MUC3A: variants seen among roughly 807,000 people sequenced by gnomAD.
MUC3A encodes the protein mucin 3A, cell surface associated.
Under a neutral mutation model 109.0 loss-of-function variants are expected in MUC3A, and 109 were observed. The ratio of observed to expected loss-of-function variants is 1.00; its 90% CI spans 0.86 to 1.17. The LOEUF (loss-of-function observed/expected upper bound fraction) is 1.17. Ranked by LOEUF, MUC3A falls within the 50% of genes most tolerant of loss-of-function variation. The probability of loss-of-function intolerance (pLI) is 0.00; values close to 1 mark genes in which losing one functional copy is unlikely to be tolerated. For synonymous variants in MUC3A, 1,398 were observed against 981.4 expected, an observed-to-expected ratio of 1.42 and a Z score of -7.93; for missense variants, 3,537 against 2,469.4, an observed-to-expected ratio of 1.43 and a Z score of -9.16.
chr7:100,952,720 TATCC>T lies in MUC3A; in HGVS notation c.943_946del (p.Ser315ProfsTer3), dbSNP rs1791993593. The T allele has an allele frequency of 6.9e-7, 1 of 1,457,132 alleles. No individual in the cohort carries two copies. Among genetic ancestry groups the T allele is most frequent in the Admixed American group, 2.1e-5 (1 of 47,352 alleles). The allele number at this position is 1,457,132 out of a possible 1,614,324, so 90.3% of individuals were successfully genotyped here. On this transcript the variant is annotated frameshift_variant, in exon 2 of 12. Coordinates refer to ENST00000379458, the MANE Select transcript of MUC3A (RefSeq NM_005960.2). LOFTEE classifies it high-confidence loss of function. ...AGTGGTATCACAAACACCACCCCCC[TATCC>T]ACCTTGGTGACCACACTCCCCACTA...
intron 3 of MUC3A, among the ~76,000 whole-genome samples, chr7:100,961,825 A>G (rs1283778506): frequency 4.1e-5 from 4 of 97,452 alleles, no homozygotes; most frequent in African/African-American, 1.4e-4. Flanking sequence ...TCTTAAAAGA[A>G]AAAAAAAAAT....
In MUC3A at chr7:100,953,074, CAA is replaced by C; in HGVS notation, c.1296_1297del (p.Thr433HisfsTer134). 1 of 1,164,358 alleles carries C rather than the reference CAA, an allele frequency of 8.6e-7. No homozygotes were observed. Among genetic ancestry groups the C allele is most frequent in the Admixed American group, 1.9e-5 (1 of 53,120 alleles). The allele number at this position is 1,164,358 out of a possible 1,614,324, so 72.1% of individuals were successfully genotyped here. On this transcript the variant is annotated frameshift_variant, in exon 2 of 12. Transcript: ENST00000379458. LOFTEE classifies it high-confidence loss of function. ...ACCTCAGGTACTATGGTGACTTCCA[CAA>C]CCATGACCCCATCTTCTCTGAGTAC...
At position 100,949,573 on chromosome 7, in the gene MUC3A, G is replaced by T. The variant is rs1255820919; in HGVS notation, c.-52G>T. 19 of 1,477,700 alleles carry T rather than the reference G, an allele frequency of 1.3e-5. 1 individual carries two copies. The East Asian group carries it at 4.6e-4, about 36-fold the overall frequency. 91.5% of individuals were successfully genotyped at this position (1,477,700 alleles called of 1,614,324 possible). On this transcript the variant is annotated 5_prime_UTR_variant, in exon 1 of 12. Coordinates refer to ENST00000379458, the MANE Select transcript of MUC3A (RefSeq NM_005960.2). ...CACGCCCCAGGGCCACGTCCCTGCCGCTGTCTTGGTCCTGAAGCCTGTTCT... is the reference window on the plus strand; with the variant it reads ...CACGCCCCAGGGCCACGTCCCTGCCTCTGTCTTGGTCCTGAAGCCTGTTCT...
At position 100,957,621 on chromosome 7, in the gene MUC3A, A is replaced by G; in HGVS notation, c.5842A>G (p.Thr1948Ala). 1.9e-6 allele frequency: 3 copies of G among 1,579,730 alleles called. No homozygotes were observed. Among genetic ancestry groups the G allele is most frequent in the East Asian group, 4.5e-5 (2 of 44,534 alleles). ...CAGATTCACTTCTTCAATCACCAAT[A>G]CCAAGACCACCTCACACAGCTCTCC... ...TPRFTSSITNTKTTSHSSPSF... is the reference protein window; with the variant it reads ...TPRFTSSITNAKTTSHSSPSF... Residue 1948 changes from threonine to alanine, a missense_variant, in exon 2 of 12, where the codon ACC becomes GCC. Coordinates refer to ENST00000379458, the MANE Select transcript of MUC3A (RefSeq NM_005960.2).
chr7:100,966,252 C>G, intron 8 of MUC3A, 134 bp from the exon 9 acceptor site: 1 of 423,208 alleles, frequency 2.4e-6, no homozygotes, highest in Non-Finnish European at 3.1e-6. Context: ...GATTCCCAGC[C>G]CCTTGTCTAG....
rs1792662762 is a variant in MUC3A, at chr7:100,967,758, C to T, written c.*596C>T. 5.4e-6 allele frequency: 1 copy of T among 185,520 alleles called. No individual in the cohort carries two copies. The highest frequency in any genetic ancestry group is 1.1e-5 in the Non-Finnish European group (1 of 88,784). 11.5% of individuals were successfully genotyped at this position (185,520 alleles called of 1,614,324 possible). A position where few individuals can be genotyped will look rare whatever the true frequency, so the allele number is the denominator to read the frequency against. ...TGACCCCGTTCCTTCATCCATCCTG[C>T]ACCCCAGTCCCCCAGCCCTAAATCC... On this transcript the variant is annotated 3_prime_UTR_variant, in exon 12 of 12. Transcript: ENST00000379458.
Position 100,957,647 on chromosome 7 carries a change from C to A in MUC3A, c.5868C>A (p.Pro1956=). The change falls in exon 2 of 12, where the codon CCC becomes CCA. Residue 1956 remains proline (P), a synonymous_variant. Transcript: ENST00000379458. ...TNTKTTSHSS[P]SFTSSITTTE... Reference sequence around the variant, plus strand: ...CCAAGACCACCTCACACAGCTCTCCCAGCTTCACTTCTTCGATCACCACCA... The same window carrying A: ...CCAAGACCACCTCACACAGCTCTCCAAGCTTCACTTCTTCGATCACCACCA... 1 of 1,555,242 alleles carries A rather than the reference C, an allele frequency of 6.4e-7. No individual in the cohort carries two copies. The highest frequency in any genetic ancestry group is 8.7e-7 in the Non-Finnish European group (1 of 1,153,820).
chr7:100,964,995 G>T (rs1256778915), intron 6 of MUC3A, 152 bp downstream of exon 6: 1 of 1,297,446 alleles, frequency 7.7e-7, no homozygotes, highest in Non-Finnish European at 1.0e-6. Flanking sequence ...ACGGTGTCAA[G>T]GGTGGGGCTA....
At chr7:100,966,590 G>A in intron 9 of MUC3A, 31 bp downstream of exon 9, 6 of 1,587,140 alleles carry the variant, frequency 3.8e-6, no homozygotes, top group Non-Finnish European at 5.1e-6. Flanking sequence ...GCCGGGGGGC[G>A]AGGGCAGCCA....
chr7:100,956,881 C>T lies in MUC3A; in HGVS notation c.5102C>T (p.Thr1701Ile). Residue 1701 changes from threonine to isoleucine, a missense_variant, in exon 2 of 12, where the codon ACA becomes ATA. By Grantham distance (89) the Thr-to-Ile change is moderately conservative (BLOSUM62 -1). Transcript: ENST00000379458. ...ACAGCTGAATCCACCCCATCACCTA[C>T]AACCACCATGTCATTCACAACATTT... ...HTTAESTPSPTTTMSFTTFTK... is the reference protein window; with the variant it reads ...HTTAESTPSPITTMSFTTFTK... 1 of 413,212 alleles carries T rather than the reference C, an allele frequency of 2.4e-6. No individual in the cohort carries two copies. 25.6% of individuals were successfully genotyped at this position (413,212 alleles called of 1,614,324 possible).
In MUC3A at chr7:100,949,631, C is replaced by T. The variant is rs1470317590; in HGVS notation, c.7C>T (p.Leu3=). 4 of 1,554,252 alleles carry T rather than the reference C, an allele frequency of 2.6e-6. No individual in the cohort carries two copies. The highest frequency in any genetic ancestry group is 3.5e-6 in the Non-Finnish European group (4 of 1,157,376). The part of the protein sequence containing the change: MQ[L]LGLLGLLWML... The stretch of plus-strand genomic sequence containing the variant: ...CCCCCTGCCCGCTGGGCCCATGCAG[C>T]TGTTGGGGCTCCTCGGCCTCCTCTG... Residue 3 remains leucine, a synonymous_variant, in exon 1 of 12, where the codon CTG becomes TTG. Coordinates refer to ENST00000379458, the MANE Select transcript of MUC3A (RefSeq NM_005960.2).
intron 2 of MUC3A, 29 bp downstream of exon 2, chr7:100,960,674 C>G (rs897450146): frequency 2.5e-6 from 4 of 1,592,460 alleles, no homozygotes; most frequent in Admixed American, 1.7e-5. Flanking sequence ...CTGTTCCCCT[C>G]CTTCCTCCCC....
At chr7:100,961,809 ACT>A (rs1792339276) in intron 3 of MUC3A, among the ~76,000 whole-genome samples, 1 of 152,274 alleles carries the variant, frequency 6.6e-6, no homozygotes, top group Non-Finnish European at 1.5e-5. Context: ...GGAGAGTGAG[ACT>A]CTGTCTTAAA....
chr7:100,964,136 C>A, intron 5 of MUC3A: 1 of 394,526 alleles, frequency 2.5e-6, no homozygotes. Flanking sequence ...TGGCTTGATG[C>A]AACAAGAAGA....
rs1207357696 is a variant in MUC3A, at chr7:100,967,525, C to T, written c.*363C>T. The T allele has an allele frequency of 2.0e-6, 1 of 496,090 alleles. No individual in the cohort carries two copies. The highest frequency in any genetic ancestry group is 3.6e-6 in the Non-Finnish European group (1 of 279,572). 30.7% of individuals were successfully genotyped at this position (496,090 alleles called of 1,614,324 possible). A position where few individuals can be genotyped will look rare whatever the true frequency, so the allele number is the denominator to read the frequency against. ...TACTCTGCCCTCCCGTCTCAGCCCT[C>T]GTGTTGCCATTGCCTCTCTCGGATC... On this transcript the variant is annotated 3_prime_UTR_variant, in exon 12 of 12. Transcript: ENST00000379458.
At chr7:100,964,604 T>C in intron 5 of MUC3A, 91 bp from the exon 6 acceptor site, 1 of 1,503,148 alleles carries the variant, frequency 6.7e-7, no homozygotes, top group Admixed American at 2.0e-5. Flanking sequence ...CCTTCCCCCT[T>C]CTGGTGCACT....
rs1414427779 is a variant in MUC3A at position 100,956,803 on chromosome 7, C to G, written c.5024C>G (p.Thr1675Ser). Reference sequence around the variant, plus strand: ...ATGTCTGCCAGCAGTGTAGGGACCACTCACACCCAGAGTATCTCCTCACCC... The same window carrying G: ...ATGTCTGCCAGCAGTGTAGGGACCAGTCACACCCAGAGTATCTCCTCACCC... ...SSMSASSVGT[T>S]HTQSISSPPA... The change falls in exon 2 of 12, where the codon ACT becomes AGT. Residue 1675 changes from threonine to serine, a missense_variant. Physicochemically the swap from Thr to Ser is moderately conservative, Grantham distance 58 (BLOSUM62 1). Transcript: ENST00000379458. 6 of 412,376 alleles carry G rather than the reference C, an allele frequency of 1.5e-5. No homozygotes were observed. Among genetic ancestry groups the G allele is most frequent in the African/African-American group, 1.2e-4 (6 of 48,822 alleles). The allele number at this position is 412,376 out of a possible 1,614,324, so 25.5% of individuals were successfully genotyped here.
In MUC3A at chr7:100,960,238, G is replaced by GT; in HGVS notation, c.8460dup (p.Ile2821TyrfsTer19). The stretch of plus-strand genomic sequence containing the variant: ...ATGGTCACCTGTCCTACCTCCATCA[G>GT]TATCCAAACTACTCTTACTACATAT... On this transcript the variant is annotated frameshift_variant, in exon 2 of 12. Transcript: ENST00000379458. LOFTEE classifies it high-confidence loss of function. 1 of 1,598,402 alleles carries GT rather than the reference G, an allele frequency of 6.3e-7. No individual in the cohort carries two copies. The highest frequency in any genetic ancestry group is 8.5e-7 in the Non-Finnish European group (1 of 1,179,710).
Position 100,952,259 on chromosome 7 carries a change from T to C in MUC3A, c.480T>C (p.Thr160=). The C allele has an allele frequency of 6.3e-7, 1 of 1,598,494 alleles. No individual in the cohort carries two copies. The highest frequency in any genetic ancestry group is 8.5e-7 in the Non-Finnish European group (1 of 1,179,760). Residue 160 remains threonine (T), a synonymous_variant, in exon 2 of 12, where the codon ACT becomes ACC. Transcript: ENST00000379458. ...CCTTCACCAGCTCTTACACCTCGAC[T>C]CCCGTGACACAGAAGCCAGTGACCA... is the stretch of plus-strand genomic sequence containing the variant. ...QVAFTSSYTS[T]PVTQKPVTTV...
Sources: allele counts gnomAD v4.1 joint callset (sites outside exome capture counted in the v4.1 genomes callset), GRCh38; gene constraint gnomAD v4.1.1; transcripts MANE v1.5; gene names NCBI Gene and HGNC (gene_info 2026-07-23, HGNC 2026-07-21).